The following ASPH variants were observed in gnomAD, a reference collection of about 807,000 sequenced individuals.
ASPH encodes the protein aspartate beta-hydroxylase, also known as aspartyl/asparaginyl beta-hydroxylase.
In ASPH, 100 loss-of-function variants were observed where a neutral mutation model predicts 118.4. The observed-to-expected ratio is 0.84, with a 90% CI of 0.72 to 1.00. The LOEUF is 1.00. Among genes scored for constraint, ASPH ranks in the 50% least tolerant of loss-of-function variants. The pLI is 0.00. For synonymous variants in ASPH, 315 were observed against 325.6 expected (o/e 0.97, Z 0.35); for missense variants, 920 against 919.5 (o/e 1.00, Z -0.01).
chr8:61,656,876 CATA>C (rs1284088124), intron 3 of ASPH: 1 of 152,096 alleles, frequency 6.6e-6, no homozygotes, highest in African/African-American at 2.4e-5. Context: ...CACTGCTGCC[CATA>C]ATGAGAAAGA....
rs182772176 is a variant in ASPH, at chr8:61,696,222, C to A, written c.104-12034G>T. Among the ~76,000 whole-genome samples the A allele has an allele frequency of 9.2e-5, 14 of 152,282 alleles. No individual in the cohort carries two copies. In the East Asian group the frequency reaches 1.9e-3, roughly 21 times the overall value. ...TCTTGACTGTCCCTGTGTAGAAAGG[C>A]ACCATGGCTGGAAGAATGACAAGGG... On this transcript the variant is annotated intron_variant, in intron 1 of 24. Transcript: ENST00000379454.
chr8:61,568,487 G>A (rs906269139), intron 16 of ASPH, among the ~76,000 whole-genome samples: 8 of 152,146 alleles, frequency 5.3e-5, no homozygotes, highest in African/African-American at 1.9e-4. Flanking sequence ...AAGTTTGGGG[G>A]CAGTATAGAA....
chr8:61,654,067 C>T (rs1438930427), intron 3 of ASPH, among the ~76,000 whole-genome samples: 2 of 152,028 alleles, frequency 1.3e-5, no homozygotes, highest in Non-Finnish European at 2.9e-5. Context: ...CAGGTACACT[C>T]GATGTTTTCA....
At chr8:61,604,527 G>A (rs750172933) in intron 14 of ASPH, among the ~76,000 whole-genome samples, 1 of 152,164 alleles carries the variant, frequency 6.6e-6, no homozygotes, top group Non-Finnish European at 1.5e-5. Flanking sequence ...AGACGATCAT[G>A]TTTTTTAACA....
intron 21 of ASPH, among the ~76,000 whole-genome samples, chr8:61,532,205 AT>A (rs1018329377): frequency 1.3e-5 from 2 of 151,838 alleles, no homozygotes; most frequent in Non-Finnish European, 2.9e-5. Context: ...TTGTTACCTC[AT>A]TTTTTTCATA....
At chr8:61,569,873 G>A (rs1303259179) in intron 16 of ASPH, among the ~76,000 whole-genome samples, 1 of 152,176 alleles carries the variant, frequency 6.6e-6, no homozygotes, top group African/African-American at 2.4e-5. Context: ...CATGATGCTG[G>A]CATGGCCTTC....
At position 61,536,654 on chromosome 8, in the gene ASPH, G is replaced by A. The variant is rs117531652; in HGVS notation, c.1765-10542C>T. ...CGTTGGAACTGTGGACAAAATTCAG[G>A]GAAGCCTTCAGTTATTAATCAAATC... On this transcript the variant is annotated intron_variant, in intron 21 of 24. Transcript: ENST00000379454. 2.4e-3 allele frequency among the ~76,000 whole-genome samples: 371 copies of A among 152,258 alleles called. 3 individuals carry two copies. Among genetic ancestry groups the A allele is most frequent in the Non-Finnish European group, 4.4e-3 (300 of 68,018 alleles).
chr8:61,698,302 C>T (rs545788785), intron 1 of ASPH, among the ~76,000 whole-genome samples: 1 of 152,352 alleles, frequency 6.6e-6, no homozygotes, highest in East Asian at 1.9e-4. Flanking sequence ...ACCCCTGTGA[C>T]TGACTAAAAT....
At chr8:61,540,955 A>C (rs1821650996) in intron 21 of ASPH, among the ~76,000 whole-genome samples, 1 of 152,024 alleles carries the variant, frequency 6.6e-6, no homozygotes, top group Non-Finnish European at 1.5e-5. Flanking sequence ...AATTGAAAAA[A>C]AAATTAAGAA....
intron 13 of ASPH, among the ~76,000 whole-genome samples, chr8:61,629,964 G>A (rs938138742): frequency 2.6e-5 from 4 of 152,166 alleles, no homozygotes; most frequent in African/African-American, 7.2e-5. Context: ...TCTGTAAAAT[G>A]GAGGTAATGG....
intron 10 of ASPH, among the ~76,000 whole-genome samples, chr8:61,640,307 T>C (rs940039012): frequency 6.6e-6 from 1 of 152,212 alleles, no homozygotes; most frequent in African/African-American, 2.4e-5. Context: ...GTTTGTTGCA[T>C]GCCAGACCGA....
chr8:61,598,898 T>G (rs1320067419), intron 14 of ASPH, among the ~76,000 whole-genome samples: 1 of 152,150 alleles, frequency 6.6e-6, no homozygotes, highest in African/African-American at 2.4e-5. Context: ...GAATGGCCAC[T>G]GAGTCAATGA....
At chr8:61,702,353 T>C (rs6471971) in intron 1 of ASPH, among the ~76,000 whole-genome samples, 122,674 of 149,568 alleles carry the variant, frequency 0.82, 50,430 homozygotes, top group Middle Eastern at 0.85. Context: ...GGTGCAATCT[T>C]GGCTCACTGC....
intron 3 of ASPH, chr8:61,665,743 T>G: frequency 1.1e-6 from 1 of 896,104 alleles, no homozygotes; most frequent in Non-Finnish European, 1.6e-6. Flanking sequence ...TTACTTTAAT[T>G]CACTAGTCTT....
chr8:61,636,993 C>T lies in ASPH; in HGVS notation c.889+954G>A, dbSNP rs970961809. On this transcript the variant is annotated intron_variant, in intron 12 of 24. Transcript: ENST00000379454. ...ACACAGACAGCAATTTTAGCCTCCCCGATTCCCTTATACCTATCTCCCCCC... is the reference window on the plus strand; with the variant it reads ...ACACAGACAGCAATTTTAGCCTCCCTGATTCCCTTATACCTATCTCCCCCC... Among the ~76,000 whole-genome samples the T allele has an allele frequency of 4.6e-5, 7 of 152,230 alleles. No homozygotes were observed. In the East Asian group the frequency reaches 1.4e-3, roughly 29 times the overall value.
intron 1 of ASPH, chr8:61,689,802 G>C (rs1359707442): frequency 6.7e-7 from 1 of 1,482,912 alleles, no homozygotes; most frequent in African/African-American, 1.4e-5. Flanking sequence ...GCCTACCAGA[G>C]CTTGAGACTG....
At chr8:61,664,341 A>G (rs1034164447) in intron 3 of ASPH, 1 of 973,302 alleles carries the variant, frequency 1.0e-6, no homozygotes, top group African/African-American at 1.8e-5. Flanking sequence ...AAAAAGTGTG[A>G]TATAAAATGA....
chr8:61,698,363 G>A (rs1188211791), intron 1 of ASPH, among the ~76,000 whole-genome samples: 7 of 152,188 alleles, frequency 4.6e-5, no homozygotes, highest in Admixed American at 6.5e-5. Flanking sequence ...ATTTAGTTAC[G>A]TTACGATTTA....
intron 3 of ASPH, among the ~76,000 whole-genome samples, chr8:61,655,191 AC>A (rs1813008325): frequency 6.6e-6 from 1 of 152,210 alleles, no homozygotes; most frequent in African/African-American, 2.4e-5. Flanking sequence ...CAGTGGTGTG[AC>A]TACTCTGCTA....
Sources: allele counts gnomAD v4.1 joint callset (sites outside exome capture counted in the v4.1 genomes callset), GRCh38; gene constraint gnomAD v4.1.1; transcripts MANE v1.5; gene names NCBI Gene and HGNC (gene_info 2026-07-23, HGNC 2026-07-21).